Variants in ELP4 observed in about 807,000 individuals in gnomAD.
The protein encoded by ELP4 is elongator acetyltransferase complex subunit 4, also known as elongator complex protein 4.
Under a neutral mutation model 48.9 loss-of-function variants are expected in ELP4, and 51 were observed. That is an observed-to-expected ratio of 1.04 (90% CI 0.83 to 1.32). The LOEUF is 1.32. Among genes scored for constraint, ELP4 ranks in the 40% most tolerant of loss-of-function variants. The pLI is 0.00. For synonymous variants in ELP4, 210 were observed against 189.2 expected, an observed-to-expected ratio of 1.11 and a Z score of -0.90; for missense variants, 519 against 514.6, an observed-to-expected ratio of 1.01 and a Z score of -0.08.
chr11:31,641,230 C>T (rs1446575093), intron 7 of ELP4, among the ~76,000 whole-genome samples: 2 of 151,806 alleles, frequency 1.3e-5, no homozygotes, highest in Non-Finnish European at 2.9e-5. Flanking sequence ...CTGTGACATG[C>T]TGTTTCCTTG....
intron 9 of ELP4, among the ~76,000 whole-genome samples, chr11:31,690,658 A>G (rs1946259368): frequency 6.6e-6 from 1 of 151,848 alleles, no homozygotes; most frequent in Admixed American, 6.6e-5. Flanking sequence ...TTTCTTATTT[A>G]TTTAAAGAAA....
At chr11:31,585,823 T>C (rs1388113990) in intron 3 of ELP4, among the ~76,000 whole-genome samples, 1 of 152,236 alleles carries the variant, frequency 6.6e-6, no homozygotes, top group African/African-American at 2.4e-5. Flanking sequence ...CCAGGCATGA[T>C]GGCTCATGAT....
intron 3 of ELP4, among the ~76,000 whole-genome samples, chr11:31,543,751 A>C (rs1474019690): frequency 6.6e-6 from 1 of 152,256 alleles, no homozygotes; most frequent in Non-Finnish European, 1.5e-5. Flanking sequence ...ACTTTTAGGC[A>C]ATACAAACCA....
At chr11:31,570,773 T>C (rs1419283326) in intron 3 of ELP4, among the ~76,000 whole-genome samples, 3 of 141,664 alleles carry the variant, frequency 2.1e-5, no homozygotes, top group Non-Finnish European at 4.6e-5. Flanking sequence ...CCATTGTGCC[T>C]GGCCAAACTG....
chr11:31,657,999 G>C (rs527710262), intron 9 of ELP4, among the ~76,000 whole-genome samples: 3 of 152,092 alleles, frequency 2.0e-5, no homozygotes, highest in Non-Finnish European at 2.9e-5. Flanking sequence ...ACAGTTTGGA[G>C]AGATCAAGCA....
intron 9 of ELP4, among the ~76,000 whole-genome samples, chr11:31,705,835 A>C (rs970936494): frequency 2.7e-5 from 4 of 148,744 alleles, no homozygotes; most frequent in Admixed American, 6.7e-5. Context: ...CATACAATAC[A>C]TAATTTTTTT....
intron 3 of ELP4, among the ~76,000 whole-genome samples, chr11:31,548,093 C>T (rs932827605): frequency 4.6e-5 from 7 of 152,156 alleles, no homozygotes; most frequent in African/African-American, 1.7e-4. Flanking sequence ...GGGATGCCCT[C>T]TCTCACCACT....
At chr11:31,756,128 G>A (rs1043483562) in intron 9 of ELP4, among the ~76,000 whole-genome samples, 5 of 152,188 alleles carry the variant, frequency 3.3e-5, no homozygotes, top group Admixed American at 1.3e-4. Context: ...GGGGATGGGA[G>A]CTCATCTTCA....
At chr11:31,627,681 A>G (rs1944776025) in intron 6 of ELP4, among the ~76,000 whole-genome samples, 1 of 152,048 alleles carries the variant, frequency 6.6e-6, no homozygotes, top group Admixed American at 6.6e-5. Flanking sequence ...ATTTCTCTGT[A>G]GCTCTAATTT....
At chr11:31,542,257 G>C (rs1340791546) in intron 3 of ELP4, among the ~76,000 whole-genome samples, 1 of 152,162 alleles carries the variant, frequency 6.6e-6, no homozygotes, top group East Asian at 1.9e-4. Context: ...ACAAGATAAG[G>C]TGACCTTCAG....
At position 31,676,255 on chromosome 11, in the gene ELP4, C is replaced by T. The variant is rs1945923888; in HGVS notation, c.1143+26034C>T. On this transcript the variant is annotated intron_variant, in intron 9 of 9. Coordinates refer to ENST00000640961, the MANE Select transcript of ELP4 (RefSeq NM_019040.5). The stretch of plus-strand genomic sequence containing the variant: ...CTTTTCATAGCTAACTGCCTCAATG[C>T]CCTCAAATATTTGTTCATATATCAC... Among the ~76,000 whole-genome samples the T allele has an allele frequency of 2.6e-5, 4 of 152,302 alleles. No homozygotes were observed. The South Asian group carries it at 8.3e-4, about 32-fold the overall frequency.
intron 3 of ELP4, among the ~76,000 whole-genome samples, chr11:31,544,108 G>A (rs902834936): frequency 4.6e-5 from 7 of 152,228 alleles, no homozygotes; most frequent in African/African-American, 7.2e-5. Flanking sequence ...TCCATCTGAG[G>A]TACCAGGTTC....
chr11:31,770,409 G>C (rs1459711578), intron 9 of ELP4, among the ~76,000 whole-genome samples: 3 of 152,110 alleles, frequency 2.0e-5, no homozygotes. Flanking sequence ...TGATGCTGCT[G>C]GAGAGAGGGG....
At chr11:31,550,400 A>G (rs1592108367) in intron 3 of ELP4, among the ~76,000 whole-genome samples, 1 of 152,306 alleles carries the variant, frequency 6.6e-6, no homozygotes, top group African/African-American at 2.4e-5. Context: ...AGTTTGTGGA[A>G]AAATGGAATT....
At position 31,631,875 on chromosome 11, in the gene ELP4, G is replaced by A. The variant is rs184404802; in HGVS notation, c.739-342G>A. On this transcript the variant is annotated intron_variant, in intron 6 of 9. Coordinates refer to ENST00000640961, the MANE Select transcript of ELP4 (RefSeq NM_019040.5). ...TCTAATACTGAGAAGGGGTTTGCAAGCATTCTAGTTTAGATTTCATCATTA... is the reference window on the plus strand; with the variant it reads ...TCTAATACTGAGAAGGGGTTTGCAAACATTCTAGTTTAGATTTCATCATTA... Among the ~76,000 whole-genome samples the A allele has an allele frequency of 3.9e-3, 598 of 152,120 alleles. 5 individuals are homozygous for A. Among genetic ancestry groups the A allele is most frequent in the African/African-American group, 0.014 (572 of 41,528 alleles).
intron 9 of ELP4, chr11:31,663,656 G>A (rs1406802170): frequency 2.0e-5 from 3 of 151,814 alleles, no homozygotes; most frequent in Non-Finnish European, 2.9e-5. Context: ...AAGTTTAAGC[G>A]GGTGCTATGA....
intron 5 of ELP4, among the ~76,000 whole-genome samples, chr11:31,623,618 A>G (rs1944673774): frequency 6.6e-6 from 1 of 150,606 alleles, no homozygotes; most frequent in African/African-American, 2.4e-5. Context: ...TTTATTACTT[A>G]TAAAATTTTA....
chr11:31,549,197 G>A (rs1297881959), intron 3 of ELP4, among the ~76,000 whole-genome samples: 1 of 151,042 alleles, frequency 6.6e-6, no homozygotes, highest in Non-Finnish European at 1.5e-5. Context: ...GAGTGAACAG[G>A]CAACCCACAA....
At chr11:31,558,575 C>A (rs1956965331) in intron 3 of ELP4, among the ~76,000 whole-genome samples, 1 of 152,094 alleles carries the variant, frequency 6.6e-6, no homozygotes, top group Non-Finnish European at 1.5e-5. Context: ...TATTTGGAAT[C>A]CAAGCTTAGA....
Sources: gnomAD v4.1 joint callset for allele counts (sites outside exome capture counted in the v4.1 genomes callset) on GRCh38, gnomAD v4.1.1 for gene constraint, MANE v1.5 for transcripts, NCBI Gene and HGNC (gene_info 2026-07-23, HGNC 2026-07-21) for gene names.